ADAM28: variants seen among roughly 807,000 people sequenced by gnomAD.
ADAM28 encodes the protein disintegrin and metalloproteinase domain-containing protein 28.
A neutral mutation model predicts 101.2 loss-of-function variants in ADAM28; 105 were observed. The observed-to-expected ratio is 1.04, with a 90% confidence interval of 0.89 to 1.22. The LOEUF (loss-of-function observed/expected upper bound fraction) is 1.22, where lower values mean the gene tolerates loss of function less well. ADAM28 is among the 50% of genes most tolerant of loss of function. ADAM28 has a pLI of 0.00. For synonymous variants in ADAM28, 322 were observed against 310.6 expected, an observed-to-expected ratio of 1.04 and a Z score of -0.39; for missense variants, 1,028 against 945.4, an observed-to-expected ratio of 1.09 and a Z score of -1.15.
chr8:24,328,820 C>G (rs1812965575), intron 10 of ADAM28, among the ~76,000 whole-genome samples: 1 of 151,700 alleles, frequency 6.6e-6, no homozygotes, highest in African/African-American at 2.4e-5. Flanking sequence ...ATTCTAGCTA[C>G]TGAGGCAAGA....
At chr8:24,310,760 T>C (rs1286560313) in intron 4 of ADAM28, among the ~76,000 whole-genome samples, 1 of 152,134 alleles carries the variant, frequency 6.6e-6, no homozygotes, top group Non-Finnish European at 1.5e-5. Flanking sequence ...CCTTCAAGCA[T>C]TGTTCTCTGT....
intron 6 of ADAM28, among the ~76,000 whole-genome samples, chr8:24,316,237 A>G (rs915917819): frequency 5.9e-5 from 9 of 151,952 alleles, no homozygotes; most frequent in African/African-American, 2.2e-4. Context: ...TGCCAGTTAC[A>G]TTTCAGAGAT....
chr8:24,339,564 G>C lies in ADAM28; in HGVS notation c.1666G>C (p.Ala556Pro). The change falls in exon 15 of 23, where the codon GCA becomes CCA. Residue 556 changes from alanine to proline, a missense_variant. Transcript: ENST00000265769. The stretch of plus-strand genomic sequence containing the variant: ...GGATGACACACTCATTCCCTGCAAA[G>C]CAAAGTAAGTGGCCTTGTCTGAACC... Reference protein sequence around the residue: ...RVDDTLIPCKANDTMCGKLFC... With the variant: ...RVDDTLIPCKPNDTMCGKLFC... 5 of 1,610,924 alleles carry C rather than the reference G, an allele frequency of 3.1e-6. No individual in the cohort carries two copies. Among genetic ancestry groups the C allele is most frequent in the Middle Eastern group, 1.7e-4 (1 of 6,054 alleles).
rs1344213184 is a variant in ADAM28 at position 24,323,898 on chromosome 8, A to G, written c.785A>G (p.Lys262Arg). Residue 262 changes from lysine (K) to arginine (R), a missense_variant, in exon 9 of 23, where the codon AAG (lysine) becomes AGG (arginine). Transcript: ENST00000265769. ...ATGGAAATCTGGACTGACAAGGATA[A>G]GATAAAGATAACCCCAAATGCAAGC... ...VGMEIWTDKD[K>R]IKITPNASFT... 1.2e-6 allele frequency: 2 copies of G among 1,612,320 alleles called. No homozygotes were observed. The highest frequency in any genetic ancestry group is 1.1e-5 in the South Asian group (1 of 91,036).
chr8:24,334,932 T>G (rs1334673471), intron 13 of ADAM28, among the ~76,000 whole-genome samples: 1 of 152,162 alleles, frequency 6.6e-6, no homozygotes, highest in Non-Finnish European at 1.5e-5. Context: ...AGAAGTGAGT[T>G]GAAAGGAAAT....
At chr8:24,343,429 A>G in intron 17 of ADAM28, 77 bp from the exon 18 acceptor site, 1 of 1,441,010 alleles carries the variant, frequency 6.9e-7, no homozygotes, top group Admixed American at 1.8e-5. Flanking sequence ...TTCTGCATGA[A>G]CTTTATTATG....
intron 4 of ADAM28, among the ~76,000 whole-genome samples, 168 bp from the exon 5 acceptor site, chr8:24,311,193 A>C (rs974019350): frequency 1.3e-5 from 2 of 152,212 alleles, no homozygotes; most frequent in Non-Finnish European, 2.9e-5. Flanking sequence ...TAACAATTTT[A>C]ACTTACATGA....
chr8:24,356,644 C>CACTT lies in ADAM28; in HGVS notation c.*2246_*2249dup, dbSNP rs1180890965. The CACTT allele has an allele frequency of 6.6e-5, 10 of 152,292 alleles. No homozygotes were observed. The highest frequency in any genetic ancestry group is 3.9e-4 in the East Asian group (2 of 5,176). 9.4% of individuals were successfully genotyped at this position (152,292 alleles called of 1,614,324 possible). A position where few individuals can be genotyped will look rare whatever the true frequency, so the allele number is the denominator to read the frequency against. The stretch of plus-strand genomic sequence containing the variant: ...TTTTGATTTCACAATACTGTTTCCA[C>CACTT]ACTTACTTATATCCGTAACTTTCTA... On this transcript the variant is annotated 3_prime_UTR_variant, in exon 23 of 23. Transcript: ENST00000265769.
intron 12 of ADAM28, 92 bp downstream of exon 12, chr8:24,331,419 A>G (rs1384964153): frequency 4.6e-6 from 6 of 1,313,940 alleles, no homozygotes; most frequent in Non-Finnish European, 6.1e-6. Flanking sequence ...CTATAACATT[A>G]TAGGTTTTTT....
In ADAM28 at chr8:24,299,962, C is replaced by T. The variant is rs749959262; in HGVS notation, c.47-12C>T. On this transcript the variant is annotated splice_polypyrimidine_tract_variant and intron_variant, in intron 1 of 22. Coordinates refer to ENST00000265769, the MANE Select transcript of ADAM28 (RefSeq NM_014265.6). ...CTACCTGGATAAGTCTTTTCTTTTTCTTTTTTCTCAGTAAGTGCTATAAAA... is the reference window on the plus strand; with the variant it reads ...CTACCTGGATAAGTCTTTTCTTTTTTTTTTTTCTCAGTAAGTGCTATAAAA... 24 of 1,600,024 alleles carry T rather than the reference C, an allele frequency of 1.5e-5. No homozygotes were observed. Among genetic ancestry groups the T allele is most frequent in the African/African-American group, 2.7e-5 (2 of 74,228 alleles).
In ADAM28 at chr8:24,355,221, T is replaced by A. The variant is rs4385476; in HGVS notation, c.*817T>A. The A allele has an allele frequency of 0.98, 149,738 of 152,534 alleles. 73,526 individuals are homozygous for A. Among genetic ancestry groups the A allele is most frequent in the East Asian group, 1 (5,181 of 5,188 alleles). The allele number at this position is 152,534 out of a possible 1,614,324, so 9.4% of individuals were successfully genotyped here. On this transcript the variant is annotated 3_prime_UTR_variant, in exon 23 of 23. Coordinates refer to ENST00000265769, the MANE Select transcript of ADAM28 (RefSeq NM_014265.6). Reference sequence around the variant, plus strand: ...ATTCCCAGCTTTGTCAGATGTAATCTAAAAGTAATCCGATGCTTTGTCAAC... The same window carrying A: ...ATTCCCAGCTTTGTCAGATGTAATCAAAAAGTAATCCGATGCTTTGTCAAC...
Position 24,330,259 on chromosome 8 carries a change from G to A in ADAM28, c.1103+144G>A, listed in dbSNP as rs977268074. On this transcript the variant is annotated intron_variant, in intron 11 of 22. Transcript: ENST00000265769. ...ATTTGTGCCAAGCCACCTCATCTAT[G>A]GGTAATATTTTTTAATAACTAAGAC... 5 of 942,112 alleles carry A rather than the reference G, an allele frequency of 5.3e-6. No individual in the cohort carries two copies. In the African/African-American group the frequency reaches 6.6e-5, roughly 12 times the overall value. 58.4% of individuals were successfully genotyped at this position (942,112 alleles called of 1,614,324 possible). A position where few individuals can be genotyped will look rare whatever the true frequency, so the allele number is the denominator to read the frequency against.
rs1209258142 is a variant in ADAM28, at chr8:24,356,284, T to A, written c.*1880T>A. On this transcript the variant is annotated 3_prime_UTR_variant, in exon 23 of 23. Coordinates refer to ENST00000265769, the MANE Select transcript of ADAM28 (RefSeq NM_014265.6). ...GTGAACTTTTCTGTGTTGTTGTTGT[T>A]GTTTTTTAAATATCTGTCCCCAGTA... 3.3e-5 allele frequency: 5 copies of A among 152,218 alleles called. No homozygotes were observed. Among genetic ancestry groups the A allele is most frequent in the African/African-American group, 4.8e-5 (2 of 41,448 alleles). The allele number at this position is 152,218 out of a possible 1,614,324, so 9.4% of individuals were successfully genotyped here.
intron 6 of ADAM28, among the ~76,000 whole-genome samples, chr8:24,320,013 A>C (rs1371836531): frequency 6.6e-6 from 1 of 151,908 alleles, no homozygotes; most frequent in African/African-American, 2.4e-5. Flanking sequence ...CCCTTGATAA[A>C]AGGAAGGAAT....
chr8:24,323,238 C>T (rs955700664), intron 8 of ADAM28, among the ~76,000 whole-genome samples: 1 of 151,862 alleles, frequency 6.6e-6, no homozygotes, highest in African/African-American at 2.4e-5. Context: ...TTCATGAGGG[C>T]TCCACTCTCG....
In ADAM28 at chr8:24,353,805, C is replaced by T. The variant is rs1012248919; in HGVS notation, c.2280C>T (p.Phe760=). ...KDTNALPPTV[F]KDNPVSTPKD... is the part of the protein sequence containing the mutation. ...CAAACGCACTTCCCCCTACTGTTTT[C>T]AAGGATAATCCAGTGTCTACACCTA... is the stretch of plus-strand genomic sequence containing the variant. The change falls in exon 22 of 23, where the codon TTC becomes TTT. Residue 760 remains phenylalanine, a synonymous_variant. Coordinates refer to ENST00000265769, the MANE Select transcript of ADAM28 (RefSeq NM_014265.6). 3 of 1,524,000 alleles carry T rather than the reference C, an allele frequency of 2.0e-6. No homozygotes were observed. The highest frequency in any genetic ancestry group is 2.7e-6 in the Non-Finnish European group (3 of 1,098,562). The allele number at this position is 1,524,000 out of a possible 1,614,324, so 94.4% of individuals were successfully genotyped here.
In ADAM28 at chr8:24,355,316, C is replaced by A. The variant is rs1437179639; in HGVS notation, c.*912C>A. 1 of 152,140 alleles carries A rather than the reference C, an allele frequency of 6.6e-6. No individual in the cohort carries two copies. The highest frequency in any genetic ancestry group is 1.5e-5 in the Non-Finnish European group (1 of 67,996). 9.4% of individuals were successfully genotyped at this position (152,140 alleles called of 1,614,324 possible). ...GTAATGTAGCAAACACTATTGGTTT[C>A]CTACCAAATAATCCCCTTTTTCCTG... On this transcript the variant is annotated 3_prime_UTR_variant, in exon 23 of 23. Coordinates refer to ENST00000265769, the MANE Select transcript of ADAM28 (RefSeq NM_014265.6).
At chr8:24,347,816 A>T (rs756979982) in intron 18 of ADAM28, among the ~76,000 whole-genome samples, 14 of 149,304 alleles carry the variant, frequency 9.4e-5, no homozygotes, top group Non-Finnish European at 1.6e-4. Flanking sequence ...CTTCCTGGAG[A>T]CCATATAGCT....
intron 13 of ADAM28, 136 bp from the exon 14 acceptor site, chr8:24,335,310 A>G (rs139597549): frequency 4.2e-5 from 58 of 1,386,860 alleles, no homozygotes; most frequent in African/African-American, 3.8e-4. Flanking sequence ...ATTTATGACA[A>G]TGTAAGCTTC....
Sources: allele counts gnomAD v4.1 joint callset (sites outside exome capture counted in the v4.1 genomes callset), GRCh38; gene constraint gnomAD v4.1.1; transcripts MANE v1.5; gene names NCBI Gene and HGNC (gene_info 2026-07-23, HGNC 2026-07-21).